The following PCNX1 variants were observed in gnomAD, a reference collection of about 807,000 sequenced individuals.
The protein encoded by PCNX1 is pecanex-like protein 1.
Under a neutral mutation model 242.2 loss-of-function variants are expected in PCNX1, and 78 were observed. That is an observed-to-expected ratio of 0.32 (90% CI 0.27 to 0.39). The LOEUF is 0.39. Among genes scored for constraint, PCNX1 ranks in the 10% least tolerant of loss-of-function variants. The pLI is 1.00. For synonymous variants in PCNX1, 1,024 were observed against 1,032.9 expected (o/e 0.99, Z 0.17); for missense variants, 2,581 against 2,856.5 (o/e 0.90, Z 2.20).
At chr14:71,045,427 C>G in intron 20 of PCNX1, 144 bp downstream of exon 20, 1 of 628,360 alleles carries the variant, frequency 1.6e-6, no homozygotes, top group South Asian at 2.1e-5. Context: ...GTTAATGAAT[C>G]TAGTCTCTTG....
At chr14:71,068,241 G>C (rs978059895) in intron 26 of PCNX1, among the ~76,000 whole-genome samples, 6 of 151,996 alleles carry the variant, frequency 3.9e-5, no homozygotes, top group African/African-American at 1.4e-4. Flanking sequence ...TGAGGCAGGA[G>C]AATCGCTTGA....
intron 7 of PCNX1, among the ~76,000 whole-genome samples, chr14:70,992,282 C>T (rs551764902): frequency 2.6e-5 from 4 of 152,024 alleles, no homozygotes; most frequent in South Asian, 2.1e-4. Flanking sequence ...AGGGGAAAAA[C>T]GCTTTAGTGT....
At chr14:71,104,062 C>T (rs2062539474) in intron 32 of PCNX1, among the ~76,000 whole-genome samples, 1 of 152,176 alleles carries the variant, frequency 6.6e-6, no homozygotes, top group South Asian at 2.1e-4. Flanking sequence ...TGTTCCAACA[C>T]TAGGGGGAGC....
intron 1 of PCNX1, among the ~76,000 whole-genome samples, chr14:70,930,020 C>T (rs1455452566): frequency 6.6e-6 from 1 of 152,014 alleles, no homozygotes; most frequent in African/African-American, 2.4e-5. Context: ...CAGTATACAT[C>T]CTCACATTTA....
At chr14:70,996,229 G>A (rs1003054494) in intron 8 of PCNX1, among the ~76,000 whole-genome samples, 1 of 151,794 alleles carries the variant, frequency 6.6e-6, no homozygotes, top group Non-Finnish European at 1.5e-5. Flanking sequence ...AGGAGAAAAC[G>A]TTGACTTTTT....
chr14:71,049,111 G>T lies in PCNX1; in HGVS notation c.4338+1127G>T, dbSNP rs539541804. 4 of 902,054 alleles carry T rather than the reference G, an allele frequency of 4.4e-6. No individual in the cohort carries two copies. The African/African-American group carries it at 5.4e-5, about 12-fold the overall frequency. 55.9% of individuals were successfully genotyped at this position (902,054 alleles called of 1,614,324 possible). Reference sequence around the variant, plus strand: ...GAAAATTGTATTTCATCTTATACTGGTTGGAAAAAAGTGAAAGTTGCAGTA... The same window carrying T: ...GAAAATTGTATTTCATCTTATACTGTTTGGAAAAAAGTGAAAGTTGCAGTA... On this transcript the variant is annotated intron_variant, in intron 22 of 35. Coordinates refer to ENST00000304743, the MANE Select transcript of PCNX1 (RefSeq NM_014982.3).
chr14:71,003,706 C>T (rs1488707874), intron 8 of PCNX1, among the ~76,000 whole-genome samples: 1 of 152,094 alleles, frequency 6.6e-6, no homozygotes, highest in Non-Finnish European at 1.5e-5. Flanking sequence ...TTAATTAAGG[C>T]ATGTTTTATT....
chr14:71,031,748 C>T lies in PCNX1; in HGVS notation c.3559-1681C>T, dbSNP rs747752899. ...TCTGATGTTTTCTCTCTCACATCAA[C>T]GACATTTTTGGGAAACTTCTCAGCC... On this transcript the variant is annotated intron_variant, in intron 16 of 35. Coordinates refer to ENST00000304743, the MANE Select transcript of PCNX1 (RefSeq NM_014982.3). 8.8e-5 allele frequency: 109 copies of T among 1,235,178 alleles called. 1 individual carries two copies. In the Middle Eastern group the frequency reaches 1.9e-3, roughly 22 times the overall value. The allele number at this position is 1,235,178 out of a possible 1,614,324, so 76.5% of individuals were successfully genotyped here.
At chr14:71,080,283 G>A (rs1337714413) in intron 28 of PCNX1, among the ~76,000 whole-genome samples, 2 of 152,296 alleles carry the variant, frequency 1.3e-5, no homozygotes, top group Non-Finnish European at 1.5e-5. Flanking sequence ...TAGCCTTGCA[G>A]TAGAGTTTGA....
At chr14:71,048,111 T>C in intron 22 of PCNX1, 127 bp downstream of exon 22, 1 of 565,854 alleles carries the variant, frequency 1.8e-6, no homozygotes, top group Non-Finnish European at 3.0e-6. Context: ...CTTCAACCAG[T>C]TATTTAGGAG....
Position 71,084,098 on chromosome 14 carries a change from C to G in PCNX1, c.5338-4232C>G, listed in dbSNP as rs192132656. On this transcript the variant is annotated intron_variant, in intron 28 of 35. Transcript: ENST00000304743. The stretch of plus-strand genomic sequence containing the variant: ...TTCTGTTTGTTAGTTTTCCTTCTAA[C>G]AGGCCCCTCTGCTGCAGGTCTGCTG... Among the ~76,000 whole-genome samples the G allele has an allele frequency of 2.0e-5, 3 of 152,208 alleles. No homozygotes were observed. In the East Asian group the frequency reaches 5.8e-4, roughly 29 times the overall value.
rs2058744936 is a variant in PCNX1, at chr14:70,978,465, C to T, written c.2128C>T (p.Pro710Ser). ...GAATGACTCAAACAGGTTAATGGCA[C>T]CTGAAAGTATAAAGCCCTTAACCAC... Reference protein sequence around the residue: ...CLNDSNRLMAPESIKPLTTSK... With the variant: ...CLNDSNRLMASESIKPLTTSK... The change falls in exon 6 of 36, where the codon CCT (proline) becomes TCT (serine). Residue 710 changes from proline (P) to serine (S), a missense_variant. By Grantham distance (74) the Pro-to-Ser change is moderately conservative. Coordinates refer to ENST00000304743, the MANE Select transcript of PCNX1 (RefSeq NM_014982.3). The T allele has an allele frequency of 5.0e-6, 8 of 1,614,038 alleles. No individual in the cohort carries two copies. The highest frequency in any genetic ancestry group is 6.8e-6 in the Non-Finnish European group (8 of 1,179,978).
In PCNX1 at chr14:70,919,718, C is replaced by T. The variant is rs1243502802; in HGVS notation, c.153+11715C>T. 9.6e-5 allele frequency among the ~76,000 whole-genome samples: 3 copies of T among 31,404 alleles called. 1 individual carries two copies. Among genetic ancestry groups the T allele is most frequent in the Non-Finnish European group, 3.7e-4 (3 of 8,176 alleles). 20.6% of individuals were successfully genotyped at this position (31,404 alleles called of 152,430 possible). A position where few individuals can be genotyped will look rare whatever the true frequency, so the allele number is the denominator to read the frequency against. On this transcript the variant is annotated intron_variant, in intron 1 of 35. Transcript: ENST00000304743. ...CCTCTGGTTTCTCTGCTCCCCCCCC[C>T]CCCCCCCCCCCACCAAATAGGAGAT...
intron 23 of PCNX1, 54 bp downstream of exon 23, chr14:71,050,814 A>G: frequency 6.6e-7 from 1 of 1,504,912 alleles, no homozygotes; most frequent in Non-Finnish European, 9.1e-7. Flanking sequence ...CTAGATAAGA[A>G]TGTTGGTTTA....
At chr14:71,084,663 A>G (rs1451816198) in intron 28 of PCNX1, among the ~76,000 whole-genome samples, 1 of 152,150 alleles carries the variant, frequency 6.6e-6, no homozygotes, top group Admixed American at 6.5e-5. Flanking sequence ...AAAACCGCCT[A>G]CTGAAGCCTC....
At position 71,103,493 on chromosome 14, in the gene PCNX1, A is replaced by C; in HGVS notation, c.5919A>C (p.Ala1973=). 1 of 1,614,210 alleles carries C rather than the reference A, an allele frequency of 6.2e-7. No homozygotes were observed. The highest frequency in any genetic ancestry group is 8.5e-7 in the Non-Finnish European group (1 of 1,180,026). The change falls in exon 32 of 36, where the codon GCA becomes GCC. Residue 1973 remains alanine (A), a synonymous_variant. Transcript: ENST00000304743. ...RNPERGSIQN[A]KQALRNMINS... Reference sequence around the variant, plus strand: ...CAGAGAGAGGTAGCATCCAAAATGCAAAGCAAGCCCTGAGAAACATGATAA... The same window carrying C: ...CAGAGAGAGGTAGCATCCAAAATGCCAAGCAAGCCCTGAGAAACATGATAA...
chr14:70,953,709 G>A (rs972546705), intron 2 of PCNX1, among the ~76,000 whole-genome samples: 7 of 130,810 alleles, frequency 5.4e-5, no homozygotes, highest in African/African-American at 1.2e-4. Flanking sequence ...CACTTTTGTC[G>A]CCCAAGCTGG....
At position 71,108,800 on chromosome 14, in the gene PCNX1, A is replaced by G. The variant is rs751631203; in HGVS notation, c.6498A>G (p.Gln2166=). ...TTCGAAACTTGCCATCATCCATCCA[A>G]TCCCGACTGTCGATGGTGAACCAAA... The part of the protein sequence containing the change: ...ISLRNLPSSI[Q]SRLSMVNQME... The change falls in exon 34 of 36, where the codon CAA becomes CAG. Residue 2166 remains glutamine (Q), a synonymous_variant. Coordinates refer to ENST00000304743, the MANE Select transcript of PCNX1 (RefSeq NM_014982.3). The G allele has an allele frequency of 9.9e-6, 16 of 1,614,096 alleles. No individual in the cohort carries two copies. In the Admixed American group the frequency reaches 2.3e-4, roughly 24 times the overall value.
In PCNX1 at chr14:71,014,238, G is replaced by T. The variant is rs371889100; in HGVS notation, c.2996+1036G>T. On this transcript the variant is annotated intron_variant, in intron 11 of 35. Coordinates refer to ENST00000304743, the MANE Select transcript of PCNX1 (RefSeq NM_014982.3). ...GCACTACTTCACACCCACCTAACAA[G>T]TAATAAAACCAAGACCTGAAGGGAT... Among the ~76,000 whole-genome samples the T allele has an allele frequency of 3.6e-3, 550 of 152,286 alleles. 1 individual carries two copies. The highest frequency in any genetic ancestry group is 0.013 in the African/African-American group (533 of 41,564).
Sources: allele counts gnomAD v4.1 joint callset (sites outside exome capture counted in the v4.1 genomes callset), GRCh38; gene constraint gnomAD v4.1.1; transcripts MANE v1.5; gene names NCBI Gene and HGNC (gene_info 2026-07-23, HGNC 2026-07-21).